The following TRMT9B variants were observed in gnomAD, a reference collection of about 807,000 sequenced individuals.
The protein encoded by TRMT9B is probable tRNA methyltransferase 9B.
TRMT9B carries 16 observed loss-of-function variants against 11.5 expected under a neutral mutation model. The observed-to-expected ratio is 1.39, with a 90% CI of 0.94 to 2.11. The LOEUF (loss-of-function observed/expected upper bound fraction) is 2.11, where lower values mean the gene tolerates loss of function less well. Ranked by LOEUF, TRMT9B falls within the 30% of genes most tolerant of loss-of-function variation. The pLI is 0.00. For missense variants in TRMT9B, 941 were observed against 553.8 expected (o/e 1.70, Z -7.02); for synonymous variants, 274 against 192.4 (o/e 1.42, Z -3.51).
intron 1 of TRMT9B, among the ~76,000 whole-genome samples, chr8:12,955,775 G>A (rs1361528075): frequency 6.6e-6 from 1 of 152,190 alleles, no homozygotes; most frequent in African/African-American, 2.4e-5. Context: ...CTCACAGGAA[G>A]GTTGGAATGA....
chr8:12,995,714 A>G (rs34856927), intron 2 of TRMT9B, among the ~76,000 whole-genome samples: 7,392 of 152,200 alleles, frequency 0.049, 220 homozygotes, highest in South Asian at 0.093. Flanking sequence ...TGATTCATCT[A>G]TTAGTTGTGT....
chr8:13,015,033 T>C (rs945733991), intron 4 of TRMT9B, among the ~76,000 whole-genome samples: 1 of 151,330 alleles, frequency 6.6e-6, no homozygotes, highest in Non-Finnish European at 1.5e-5. Context: ...CACTCCAGCC[T>C]AAGCAACAGA....
At chr8:12,997,041 T>C (rs1452072908) in intron 2 of TRMT9B, among the ~76,000 whole-genome samples, 2 of 151,744 alleles carry the variant, frequency 1.3e-5, no homozygotes, top group Non-Finnish European at 2.9e-5. Context: ...TGGGCTCATG[T>C]TTTTGTACTT....
At chr8:12,961,064 C>A (rs1215019877) in intron 1 of TRMT9B, among the ~76,000 whole-genome samples, 1 of 152,048 alleles carries the variant, frequency 6.6e-6, no homozygotes, top group Admixed American at 6.6e-5. Context: ...TCGCTTGAAC[C>A]CGGGAAGTGG....
intron 4 of TRMT9B, among the ~76,000 whole-genome samples, chr8:13,014,836 G>A (rs1243826412): frequency 1.3e-5 from 2 of 152,110 alleles, no homozygotes; most frequent in Non-Finnish European, 2.9e-5. Context: ...GCCAAGGTGG[G>A]TGGATCACAA....
chr8:13,020,490 G>T (rs1387741035), intron 4 of TRMT9B, among the ~76,000 whole-genome samples: 1 of 152,160 alleles, frequency 6.6e-6, no homozygotes, highest in Non-Finnish European at 1.5e-5. Flanking sequence ...CTTGGGGTGA[G>T]CTGCTGATCT....
intron 1 of TRMT9B, among the ~76,000 whole-genome samples, chr8:12,969,222 A>G (rs1803245794): frequency 6.6e-6 from 1 of 152,044 alleles, no homozygotes; most frequent in Non-Finnish European, 1.5e-5. Context: ...AAACAAACAA[A>G]CAAACAAAAT....
intron 1 of TRMT9B, among the ~76,000 whole-genome samples, chr8:12,975,790 T>G (rs1044820791): frequency 6.6e-6 from 1 of 152,112 alleles, no homozygotes; most frequent in African/African-American, 2.4e-5. Flanking sequence ...TTCTAGCTAT[T>G]TGGGGGCATT....
In TRMT9B at chr8:13,023,460, C is replaced by G. The variant is rs1814263985; in HGVS notation, c.*1416C>G. 1 of 167,080 alleles carries G rather than the reference C, an allele frequency of 6.0e-6. No individual in the cohort carries two copies. Among genetic ancestry groups the G allele is most frequent in the African/African-American group, 2.4e-5 (1 of 41,448 alleles). 10.3% of individuals were successfully genotyped at this position (167,080 alleles called of 1,614,324 possible). A position where few individuals can be genotyped will look rare whatever the true frequency, so the allele number is the denominator to read the frequency against. On this transcript the variant is annotated 3_prime_UTR_variant, in exon 5 of 5. Coordinates refer to ENST00000524591, the MANE Select transcript of TRMT9B (RefSeq NM_020844.3). ...CTTCTACTGATTACAGGTTGAATTTCTGTCACTTTGTAGAGAAACGAATAG... is the reference window on the plus strand; with the variant it reads ...CTTCTACTGATTACAGGTTGAATTTGTGTCACTTTGTAGAGAAACGAATAG...
intron 1 of TRMT9B, among the ~76,000 whole-genome samples, chr8:12,970,490 C>T (rs564973433): frequency 2.0e-5 from 3 of 152,296 alleles, no homozygotes; most frequent in South Asian, 2.1e-4. Flanking sequence ...TCTTGGTAAA[C>T]GTGGACTCCG....
chr8:13,001,392 A>C (rs1243551646), intron 2 of TRMT9B, among the ~76,000 whole-genome samples: 1 of 152,198 alleles, frequency 6.6e-6, no homozygotes, highest in Non-Finnish European at 1.5e-5. Flanking sequence ...AGTGATGAGC[A>C]ACTCTGATGC....
intron 3 of TRMT9B, chr8:13,007,774 C>G (rs536314187): frequency 6.6e-6 from 1 of 151,976 alleles, no homozygotes; most frequent in Non-Finnish European, 1.5e-5. Context: ...TTTGGGATAA[C>G]GACATATATA....
At chr8:12,994,855 T>C (rs949728239) in intron 2 of TRMT9B, among the ~76,000 whole-genome samples, 4 of 152,154 alleles carry the variant, frequency 2.6e-5, no homozygotes, top group African/African-American at 4.8e-5. Flanking sequence ...CTAATGTTTG[T>C]ATTTTTAGTA....
intron 2 of TRMT9B, among the ~76,000 whole-genome samples, chr8:13,002,217 C>T (rs1004307180): frequency 6.6e-6 from 1 of 152,116 alleles, no homozygotes; most frequent in Non-Finnish European, 1.5e-5. Context: ...AAATTGAAGT[C>T]ATTTTTAAAT....
intron 1 of TRMT9B, among the ~76,000 whole-genome samples, chr8:12,971,410 A>G (rs1198208427): frequency 6.6e-6 from 1 of 152,198 alleles, no homozygotes; most frequent in African/African-American, 2.4e-5. Flanking sequence ...GCATTTTTTC[A>G]TAATAATGAA....
intron 4 of TRMT9B, among the ~76,000 whole-genome samples, chr8:13,013,803 A>G (rs1037751902): frequency 6.6e-6 from 1 of 152,086 alleles, no homozygotes; most frequent in Non-Finnish European, 1.5e-5. Context: ...TACAAAAATT[A>G]GCCGGGCATG....
chr8:13,019,734 G>C (rs1813454922), intron 4 of TRMT9B, among the ~76,000 whole-genome samples: 1 of 152,192 alleles, frequency 6.6e-6, no homozygotes, highest in Non-Finnish European at 1.5e-5. Flanking sequence ...TTTCAAATGA[G>C]CCATATTAAA....
At chr8:12,956,191 C>A (rs528011191) in intron 1 of TRMT9B, among the ~76,000 whole-genome samples, 1 of 152,256 alleles carries the variant, frequency 6.6e-6, no homozygotes, top group South Asian at 2.1e-4. Context: ...GAGGGATGCA[C>A]ACTTGAAGGA....
chr8:13,019,983 G>T (rs114281765), intron 4 of TRMT9B, among the ~76,000 whole-genome samples: 2 of 152,130 alleles, frequency 1.3e-5, no homozygotes, highest in Non-Finnish European at 2.9e-5. Flanking sequence ...GATACAAAAT[G>T]TATCTGTTGA....
Sources: allele counts gnomAD v4.1 joint callset (sites outside exome capture counted in the v4.1 genomes callset), GRCh38; gene constraint gnomAD v4.1.1; transcripts MANE v1.5; gene names NCBI Gene and HGNC (gene_info 2026-07-23, HGNC 2026-07-21).